The following LRMDA variants were observed in gnomAD, a reference collection of about 807,000 sequenced individuals.
The protein encoded by LRMDA is leucine rich melanocyte differentiation associated.
Under a neutral mutation model 29.8 loss-of-function variants are expected in LRMDA, and 18 were observed. The ratio of observed to expected loss-of-function variants is 0.60; its 90% CI spans 0.42 to 0.90. The LOEUF (loss-of-function observed/expected upper bound fraction) is 0.90. LRMDA is among the 40% of genes least tolerant of loss of function. The pLI is 0.00. For synonymous variants in LRMDA, 125 were observed against 109.4 expected, an observed-to-expected ratio of 1.14 and a Z score of -0.89; for missense variants, 273 against 273.9, an observed-to-expected ratio of 1.00 and a Z score of 0.02.
At chr10:75,739,870 C>T (rs1024689599) in intron 2 of LRMDA, among the ~76,000 whole-genome samples, 1 of 152,126 alleles carries the variant, frequency 6.6e-6, no homozygotes, top group African/African-American at 2.4e-5. Context: ...ATAAATAAGG[C>T]AGCACACACA....
At chr10:76,250,888 T>C (rs936132352) in intron 5 of LRMDA, among the ~76,000 whole-genome samples, 4 of 152,166 alleles carry the variant, frequency 2.6e-5, no homozygotes, top group African/African-American at 7.2e-5. Flanking sequence ...CAGAGGGGTA[T>C]TGGGGATGGC....
intron 2 of LRMDA, among the ~76,000 whole-genome samples, chr10:76,022,868 C>G (rs1214582923): frequency 2.0e-5 from 3 of 152,154 alleles, no homozygotes; most frequent in Non-Finnish European, 4.4e-5. Context: ...TTCCGTATCT[C>G]AAGCATCTCT....
At chr10:76,077,612 C>A (rs529466789) in intron 5 of LRMDA, among the ~76,000 whole-genome samples, 2 of 152,078 alleles carry the variant, frequency 1.3e-5, no homozygotes, top group South Asian at 4.2e-4. Flanking sequence ...TGGGAGGTCA[C>A]CATTTATTTA....
intron 5 of LRMDA, among the ~76,000 whole-genome samples, chr10:76,089,905 AC>A (rs1432292040): frequency 6.6e-6 from 1 of 152,228 alleles, no homozygotes; most frequent in African/African-American, 2.4e-5. Context: ...TAACTCACTA[AC>A]TGAAATTACA....
chr10:75,448,537 C>T (rs1047671612), intron 2 of LRMDA, among the ~76,000 whole-genome samples: 1 of 152,192 alleles, frequency 6.6e-6, no homozygotes, highest in Non-Finnish European at 1.5e-5. Flanking sequence ...TTCAAGTTCT[C>T]AACCAGGAAA....
At chr10:75,923,089 A>G (rs1243455965) in intron 2 of LRMDA, among the ~76,000 whole-genome samples, 1 of 151,942 alleles carries the variant, frequency 6.6e-6, no homozygotes, top group Non-Finnish European at 1.5e-5. Context: ...CCTGAAACAC[A>G]CTCTGCCCTT....
chr10:75,705,441 T>C (rs1441950658), intron 2 of LRMDA, among the ~76,000 whole-genome samples: 1 of 152,220 alleles, frequency 6.6e-6, no homozygotes. Flanking sequence ...CCTCAATGGC[T>C]CACTTTTGAA....
intron 6 of LRMDA, among the ~76,000 whole-genome samples, chr10:76,417,174 A>G (rs1842023553): frequency 6.6e-6 from 1 of 152,092 alleles, no homozygotes; most frequent in Non-Finnish European, 1.5e-5. Context: ...CCTGGGTCAC[A>G]CCTGTTGATA....
At chr10:75,764,800 CAT>C (rs1380438426) in intron 2 of LRMDA, among the ~76,000 whole-genome samples, 1 of 152,178 alleles carries the variant, frequency 6.6e-6, no homozygotes, top group African/African-American at 2.4e-5. Flanking sequence ...GTATTTTTCA[CAT>C]GTTCCCAAAA....
intron 2 of LRMDA, among the ~76,000 whole-genome samples, chr10:75,621,069 T>C (rs1841176007): frequency 1.3e-5 from 2 of 152,198 alleles, no homozygotes; most frequent in African/African-American, 4.8e-5. Context: ...CTCCCACATA[T>C]GAGTGAGAAC....
chr10:75,734,446 T>C lies in LRMDA; in HGVS notation c.131+295952T>C, dbSNP rs368388961. Among the ~76,000 whole-genome samples, 181 of 152,294 alleles carry C rather than the reference T, an allele frequency of 1.2e-3. 7 individuals are homozygous for C. In the South Asian group the frequency reaches 0.035, roughly 29 times the overall value. Reference sequence around the variant, plus strand: ...GGAGAATTGGACTCTAGTCTGGAAATATCACTTCCTCTCTAGGTCTCGGTC... The same window carrying C: ...GGAGAATTGGACTCTAGTCTGGAAACATCACTTCCTCTCTAGGTCTCGGTC... On this transcript the variant is annotated intron_variant, in intron 2 of 6. Coordinates refer to ENST00000611255, the MANE Select transcript of LRMDA (RefSeq NM_001305581.2).
intron 5 of LRMDA, among the ~76,000 whole-genome samples, chr10:76,148,464 A>T (rs533481771): frequency 6.6e-6 from 1 of 152,274 alleles, no homozygotes; most frequent in African/African-American, 2.4e-5. Flanking sequence ...AATGAGCGAC[A>T]CACGGTGGGC....
At chr10:76,268,734 A>G (rs2132318320) in intron 5 of LRMDA, among the ~76,000 whole-genome samples, 1 of 152,304 alleles carries the variant, frequency 6.6e-6, no homozygotes, top group South Asian at 2.1e-4. Context: ...TGAGTAAATC[A>G]GCTCTGTCCT....
At chr10:76,427,785 C>A (rs1842145210) in intron 6 of LRMDA, among the ~76,000 whole-genome samples, 3 of 152,212 alleles carry the variant, frequency 2.0e-5, no homozygotes. Context: ...CCCATCAATA[C>A]CTAATTTATT....
At chr10:76,131,868 T>G (rs1332236747) in intron 5 of LRMDA, among the ~76,000 whole-genome samples, 1 of 152,216 alleles carries the variant, frequency 6.6e-6, no homozygotes, top group East Asian at 1.9e-4. Flanking sequence ...AGCTATACTG[T>G]CAGCCCAGCT....
chr10:76,264,542 C>T (rs566841533), intron 5 of LRMDA, among the ~76,000 whole-genome samples: 4 of 148,854 alleles, frequency 2.7e-5, no homozygotes, highest in East Asian at 2.0e-4. Flanking sequence ...GCGAGTATTT[C>T]GGTCAGCTTG....
intron 5 of LRMDA, among the ~76,000 whole-genome samples, chr10:76,091,761 T>C (rs1477583267): frequency 1.3e-5 from 2 of 152,134 alleles, no homozygotes; most frequent in African/African-American, 4.8e-5. Flanking sequence ...TCATGGTTCA[T>C]TGTAACCTCA....
chr10:75,943,936 C>T (rs192011468), intron 2 of LRMDA, among the ~76,000 whole-genome samples: 261 of 152,258 alleles, frequency 1.7e-3, no homozygotes, highest in Non-Finnish European at 2.5e-3. Flanking sequence ...TTGCTTAAAT[C>T]GCTATATATC....
At chr10:76,432,620 T>C (rs968591891) in intron 6 of LRMDA, among the ~76,000 whole-genome samples, 2 of 152,100 alleles carry the variant, frequency 1.3e-5, no homozygotes, top group Non-Finnish European at 2.9e-5. Flanking sequence ...TAAAGGAAAA[T>C]ATCATTTAAT....
Sources: allele counts gnomAD v4.1 joint callset (sites outside exome capture counted in the v4.1 genomes callset), GRCh38; gene constraint gnomAD v4.1.1; transcripts MANE v1.5; gene names NCBI Gene and HGNC (gene_info 2026-07-23, HGNC 2026-07-21).